The following NBEA variants were observed in gnomAD, a reference collection of about 807,000 sequenced individuals.
The protein encoded by NBEA is neurobeachin.
NBEA carries 44 observed loss-of-function variants against 343.4 expected under a neutral mutation model. That is an observed-to-expected ratio of 0.13 (90% CI 0.10 to 0.16). NBEA has a LOEUF of 0.16. Ranked by LOEUF, NBEA falls within the 10% of genes least tolerant of loss-of-function variation. The pLI is 1.00. For synonymous variants in NBEA, 1,175 were observed against 1,238.7 expected, an observed-to-expected ratio of 0.95 and a Z score of 1.08; for missense variants, 2,555 against 3,631.3, an observed-to-expected ratio of 0.70 and a Z score of 7.62.
intron 34 of NBEA, among the ~76,000 whole-genome samples, chr13:35,280,161 A>G (rs1002369180): frequency 6.6e-6 from 1 of 152,142 alleles, no homozygotes; most frequent in African/African-American, 2.4e-5. Context: ...ACAAAGTCCA[A>G]CCAAATATAT....
At chr13:35,354,781 C>A (rs2040398211) in intron 38 of NBEA, among the ~76,000 whole-genome samples, 1 of 152,034 alleles carries the variant, frequency 6.6e-6, no homozygotes, top group African/African-American at 2.4e-5. Flanking sequence ...TTTATCTAGT[C>A]CCATGATTTA....
chr13:35,321,867 G>T (rs2038170250), intron 36 of NBEA, among the ~76,000 whole-genome samples: 1 of 152,198 alleles, frequency 6.6e-6, no homozygotes, highest in South Asian at 2.1e-4. Flanking sequence ...CCGCCCAGTT[G>T]AAACTTCCCG....
chr13:35,515,370 A>G (rs150803226), intron 41 of NBEA, among the ~76,000 whole-genome samples: 1 of 152,314 alleles, frequency 6.6e-6, no homozygotes, highest in Non-Finnish European at 1.5e-5. Flanking sequence ...TAGGATACTG[A>G]CAAGGCACTT....
At chr13:35,497,384 GA>G (rs2076722879) in intron 41 of NBEA, among the ~76,000 whole-genome samples, 1 of 151,990 alleles carries the variant, frequency 6.6e-6, no homozygotes, top group African/African-American at 2.4e-5. Flanking sequence ...ATTTTAATAA[GA>G]AAAATTATTT....
At chr13:35,218,764 T>C (rs1272134544) in intron 33 of NBEA, among the ~76,000 whole-genome samples, 1 of 152,012 alleles carries the variant, frequency 6.6e-6, no homozygotes, top group Non-Finnish European at 1.5e-5. Flanking sequence ...GATCATGTGG[T>C]TTTTCTCCTT....
chr13:35,552,173 C>T (rs1223747193), intron 43 of NBEA, among the ~76,000 whole-genome samples: 1 of 152,188 alleles, frequency 6.6e-6, no homozygotes, highest in Non-Finnish European at 1.5e-5. Context: ...GAAAGGAAAA[C>T]TAATCTTTGT....
chr13:35,204,145 T>C (rs1387177832), intron 31 of NBEA, among the ~76,000 whole-genome samples: 3 of 152,114 alleles, frequency 2.0e-5, no homozygotes, highest in Non-Finnish European at 4.4e-5. Context: ...CTGTTTCCTG[T>C]CAGATCAGTG....
At chr13:35,439,756 G>A (rs186395703) in intron 39 of NBEA, among the ~76,000 whole-genome samples, 55 of 151,982 alleles carry the variant, frequency 3.6e-4, no homozygotes, top group African/African-American at 1.3e-3. Flanking sequence ...AATTGAATTT[G>A]CATTTTAGAA....
At position 35,027,003 on chromosome 13, in the gene NBEA, T is replaced by C. The variant is rs142571100; in HGVS notation, c.295-13930T>C. ...TCCATAAATAGAATCGTATTTTATG[T>C]GATCTTTGGAGACTGCTTTTCTTCA... is the stretch of plus-strand genomic sequence containing the variant. On this transcript the variant is annotated intron_variant, in intron 1 of 58. Coordinates refer to ENST00000379939, the MANE Select transcript of NBEA (RefSeq NM_001385012.1). Among the ~76,000 whole-genome samples, 33 of 152,252 alleles carry C rather than the reference T, an allele frequency of 2.2e-4. No individual in the cohort carries two copies. In the East Asian group the frequency reaches 6.0e-3, roughly 28 times the overall value.
chr13:35,127,982 A>G (rs2067215410), intron 17 of NBEA, among the ~76,000 whole-genome samples: 1 of 151,710 alleles, frequency 6.6e-6, no homozygotes, highest in Non-Finnish European at 1.5e-5. Flanking sequence ...AATGAAACCC[A>G]GTTCTGTATG....
chr13:35,593,238 G>A, intron 46 of NBEA, 90 bp from the exon 47 acceptor site: 1 of 1,448,540 alleles, frequency 6.9e-7, no homozygotes, highest in East Asian at 2.4e-5. Context: ...TCCACATCTT[G>A]AAGGATTTTC....
At chr13:35,259,282 T>C (rs1415382860) in intron 34 of NBEA, among the ~76,000 whole-genome samples, 1 of 152,194 alleles carries the variant, frequency 6.6e-6, no homozygotes, top group Non-Finnish European at 1.5e-5. Flanking sequence ...TATTACTATG[T>C]TGTTTAATAA....
intron 41 of NBEA, among the ~76,000 whole-genome samples, chr13:35,491,781 A>T (rs1390979754): frequency 6.6e-6 from 1 of 151,972 alleles, no homozygotes; most frequent in African/African-American, 2.4e-5. Context: ...CTCTGTGAGG[A>T]ATATGATCCA....
intron 11 of NBEA, among the ~76,000 whole-genome samples, chr13:35,102,240 T>G (rs545119858): frequency 7.9e-5 from 12 of 152,018 alleles, no homozygotes; most frequent in African/African-American, 2.9e-4. Context: ...GTCTAATCTT[T>G]GCCATAAATC....
intron 4 of NBEA, 40 bp from the exon 5 acceptor site, chr13:35,048,523 T>C (rs750436264): frequency 4.4e-6 from 7 of 1,577,670 alleles, no homozygotes; most frequent in Non-Finnish European, 6.0e-6. Context: ...ATCACATTTC[T>C]TTAACTGATA....
intron 20 of NBEA, among the ~76,000 whole-genome samples, chr13:35,156,703 A>G (rs1032373654): frequency 6.6e-6 from 1 of 152,164 alleles, no homozygotes; most frequent in Non-Finnish European, 1.5e-5. Context: ...GTTCAGTGTA[A>G]GACTTTGTGC....
At position 35,651,802 on chromosome 13, in the gene NBEA, T is replaced by C; in HGVS notation, c.7964-3T>C. 1 of 1,524,892 alleles carries C rather than the reference T, an allele frequency of 6.6e-7. No homozygotes were observed. The allele number at this position is 1,524,892 out of a possible 1,614,324, so 94.5% of individuals were successfully genotyped here. On this transcript the variant is annotated splice_region_variant and splice_polypyrimidine_tract_variant and intron_variant, in intron 52 of 58. Coordinates refer to ENST00000379939, the MANE Select transcript of NBEA (RefSeq NM_001385012.1). ...AGTTTTTCTCTCTTTTTTTAATCTT[T>C]AGGCCTCAGAGGAGCTCCAGGATAC...
intron 38 of NBEA, among the ~76,000 whole-genome samples, chr13:35,407,187 A>G (rs1276585918): frequency 1.3e-5 from 2 of 149,622 alleles, no homozygotes; most frequent in Non-Finnish European, 3.0e-5. Context: ...CTGGTCTCGA[A>G]CTCCTGACCT....
At chr13:35,372,072 C>A (rs2041463735) in intron 38 of NBEA, among the ~76,000 whole-genome samples, 1 of 152,164 alleles carries the variant, frequency 6.6e-6, no homozygotes, top group African/African-American at 2.4e-5. Context: ...CAAGTCCAGG[C>A]ATACCAATTT....
Sources: allele counts gnomAD v4.1 joint callset (sites outside exome capture counted in the v4.1 genomes callset), GRCh38; gene constraint gnomAD v4.1.1; transcripts MANE v1.5; gene names NCBI Gene and HGNC (gene_info 2026-07-23, HGNC 2026-07-21).